Variants in KCNK17 observed in about 807,000 individuals in gnomAD.
KCNK17 encodes the protein potassium two pore domain channel subfamily K member 17, also known as potassium channel subfamily K member 17.
Under a neutral mutation model 24.6 loss-of-function variants are expected in KCNK17, and 27 were observed. The observed-to-expected ratio is 1.10, with a 90% CI of 0.81 to 1.51. The LOEUF (loss-of-function observed/expected upper bound fraction) is 1.51. Among genes scored for constraint, KCNK17 ranks in the 40% most tolerant of loss-of-function variants. The pLI, the probability that KCNK17 is intolerant of heterozygous loss-of-function variation, is 0.00. For synonymous variants in KCNK17, 181 were observed against 189.8 expected (o/e 0.95, Z 0.38); for missense variants, 450 against 436.6 (o/e 1.03, Z -0.27).
At chr6:39,311,997 C>A (rs1295147133) in intron 1 of KCNK17, among the ~76,000 whole-genome samples, 1 of 152,052 alleles carries the variant, frequency 6.6e-6, no homozygotes, top group Non-Finnish European at 1.5e-5. Context: ...TGGCAGCTGG[C>A]AGTATAGAAA....
chr6:39,300,637 C>T (rs1023526306), intron 4 of KCNK17: 65 of 1,083,654 alleles, frequency 6.0e-5, no homozygotes, highest in East Asian at 1.6e-4. Context: ...AATACGACTG[C>T]GCCCCCTTGG....
chr6:39,301,137 A>C (rs1175611125), intron 4 of KCNK17, among the ~76,000 whole-genome samples: 1 of 152,176 alleles, frequency 6.6e-6, no homozygotes, highest in East Asian at 1.9e-4. Flanking sequence ...CTGGGTAAGT[A>C]TAGCTGAGGG....
At chr6:39,304,277 C>A in intron 3 of KCNK17, 146 bp from the exon 4 acceptor site, 1 of 853,556 alleles carries the variant, frequency 1.2e-6, no homozygotes, top group Non-Finnish European at 1.8e-6. Context: ...TGCCTGGAGC[C>A]TGTGCCTCAT....
At chr6:39,311,675 ATGT>A (rs1349425971) in intron 1 of KCNK17, among the ~76,000 whole-genome samples, 6 of 152,336 alleles carry the variant, frequency 3.9e-5, no homozygotes, top group African/African-American at 9.6e-5. Context: ...TAGGCATATA[ATGT>A]TGTAGGACTC....
intron 2 of KCNK17, among the ~76,000 whole-genome samples, chr6:39,309,088 G>T (rs1762085944): frequency 6.6e-6 from 1 of 152,248 alleles, no homozygotes; most frequent in African/African-American, 2.4e-5. Flanking sequence ...CACTTTGGGA[G>T]GCCAAGGCGG....
chr6:39,310,776 C>G, intron 2 of KCNK17, 117 bp downstream of exon 2: 1 of 654,056 alleles, frequency 1.5e-6, no homozygotes, highest in Non-Finnish European at 2.6e-6. Context: ...CAGAGCTGAA[C>G]TGCACTTGGA....
intron 3 of KCNK17, 46 bp downstream of exon 3, chr6:39,304,449 C>T: frequency 6.5e-7 from 1 of 1,527,834 alleles, no homozygotes; most frequent in East Asian, 2.3e-5. Context: ...CACAGCCCCT[C>T]ATTCTAGAAG....
At chr6:39,311,684 G>A (rs1762142652) in intron 1 of KCNK17, among the ~76,000 whole-genome samples, 1 of 152,178 alleles carries the variant, frequency 6.6e-6, no homozygotes, top group South Asian at 2.1e-4. Flanking sequence ...AATGTTGTAG[G>A]ACTCTGGGGA....
chr6:39,311,180 G>A (rs1382022415), intron 1 of KCNK17, among the ~76,000 whole-genome samples, 173 bp from the exon 2 acceptor site: 2 of 151,720 alleles, frequency 1.3e-5, no homozygotes, highest in African/African-American at 4.8e-5. Flanking sequence ...CCAGGGCAAG[G>A]AGGCTCTACC....
intron 2 of KCNK17, among the ~76,000 whole-genome samples, chr6:39,308,436 A>G (rs1442267974): frequency 2.6e-5 from 4 of 152,086 alleles, no homozygotes; most frequent in African/African-American, 9.7e-5. Context: ...GATTACAGGC[A>G]CCCGCCACCA....
At chr6:39,311,063 C>T (rs1762126588) in intron 1 of KCNK17, 56 bp from the exon 2 acceptor site, 1 of 843,018 alleles carries the variant, frequency 1.2e-6, no homozygotes, top group Admixed American at 2.0e-5. Flanking sequence ...ATTTCCTGTA[C>T]CCCAAGATGC....
rs751995979 is a variant in KCNK17 at position 39,310,946 on chromosome 6, C to A, written c.299G>T (p.Arg100Leu). 1.2e-6 allele frequency: 2 copies of A among 1,609,250 alleles called. No individual in the cohort carries two copies. The highest frequency in any genetic ancestry group is 2.7e-5 in the African/African-American group (2 of 74,742). The change falls in exon 2 of 5, where the codon CGC becomes CTC. Residue 100 changes from arginine to leucine, a missense_variant. Coordinates refer to ENST00000373231, the MANE Select transcript of KCNK17 (RefSeq NM_031460.4). ...SLLSNTTSMGRWELVGSFFFS... is the reference protein window; with the variant it reads ...SLLSNTTSMGLWELVGSFFFS... ...GAAGAAGGAGCCCACGAGCTCCCAG[C>A]GCCCCATGCTGGTGGTGTTGCTGAG...
chr6:39,313,522 C>T (rs1301288340), intron 1 of KCNK17, among the ~76,000 whole-genome samples: 1 of 152,214 alleles, frequency 6.6e-6, no homozygotes, highest in Non-Finnish European at 1.5e-5. Context: ...AACGCGCCTT[C>T]CCCCAGGCTC....
intron 2 of KCNK17, among the ~76,000 whole-genome samples, chr6:39,308,986 T>C (rs11964657): frequency 1.1e-3 from 174 of 152,286 alleles, no homozygotes; most frequent in Middle Eastern, 6.8e-3. Context: ...CCGTATGATC[T>C]GGGGGAGATG....
At chr6:39,299,983 C>G (rs562511939) in intron 4 of KCNK17, among the ~76,000 whole-genome samples, 8 of 152,322 alleles carry the variant, frequency 5.3e-5, no homozygotes, top group Admixed American at 1.3e-4. Flanking sequence ...ATGCTCCATC[C>G]CAGCAGTTCT....
chr6:39,303,862 C>T (rs1052680331), intron 4 of KCNK17, 95 bp downstream of exon 4: 49 of 1,372,750 alleles, frequency 3.6e-5, no homozygotes, highest in East Asian at 6.9e-5. Context: ...CCCCACATGG[C>T]GTGCACACAG....
chr6:39,310,819 C>T (rs1762119027), intron 2 of KCNK17, 74 bp downstream of exon 2: 6 of 999,302 alleles, frequency 6.0e-6, no homozygotes, highest in South Asian at 1.7e-5. Context: ...CTCCAAAAGG[C>T]AACTAGCCTG....
intron 4 of KCNK17, among the ~76,000 whole-genome samples, chr6:39,301,055 A>G (rs1029262517): frequency 3.3e-5 from 5 of 152,220 alleles, no homozygotes; most frequent in Non-Finnish European, 5.9e-5. Flanking sequence ...TGCCTGGTAC[A>G]TAACAGGTGC....
At chr6:39,308,990 G>A (rs936560186) in intron 2 of KCNK17, among the ~76,000 whole-genome samples, 2 of 152,164 alleles carry the variant, frequency 1.3e-5, no homozygotes, top group Admixed American at 6.5e-5. Context: ...ATGATCTGGG[G>A]GAGATGGTGC....
Sources: gnomAD v4.1 joint callset for allele counts (sites outside exome capture counted in the v4.1 genomes callset) on GRCh38, gnomAD v4.1.1 for gene constraint, MANE v1.5 for transcripts, NCBI Gene and HGNC (gene_info 2026-07-23, HGNC 2026-07-21) for gene names.